EPB41L3: variants seen among roughly 807,000 people sequenced by gnomAD.
EPB41L3 encodes the protein erythrocyte membrane protein band 4.1 like 3.
EPB41L3 carries 57 observed loss-of-function variants against 127.1 expected under a neutral mutation model. The ratio of observed to expected loss-of-function variants is 0.45; its 90% CI spans 0.36 to 0.56. The LOEUF (loss-of-function observed/expected upper bound fraction) is 0.56. EPB41L3 is among the 20% of genes least tolerant of loss of function. The pLI is 0.00. For missense variants in EPB41L3, 1,273 were observed against 1,372.2 expected, an observed-to-expected ratio of 0.93 and a Z score of 1.14; for synonymous variants, 572 against 549.5, an observed-to-expected ratio of 1.04 and a Z score of -0.57.
Position 5,416,235 on chromosome 18 carries a change from C to A in EPB41L3, c.1650G>T (p.Leu550=). Reference sequence around the variant, plus strand: ...CAGAGTCCAAGGCGGGCTCTCCAGGCAGGTGCTCAGCTCTGGACGGCTCAT... The same window carrying A: ...CAGAGTCCAAGGCGGGCTCTCCAGGAAGGTGCTCAGCTCTGGACGGCTCAT... The part of the protein sequence containing the change: ...PGYEPSRAEH[L]PGEPALDSDG... Residue 550 remains leucine (L), a synonymous_variant, in exon 13 of 23, where the codon CTG becomes CTT. Coordinates refer to ENST00000341928, the MANE Select transcript of EPB41L3 (RefSeq NM_012307.5). The A allele has an allele frequency of 6.2e-7, 1 of 1,614,128 alleles. No individual in the cohort carries two copies. The highest frequency in any genetic ancestry group is 8.5e-7 in the Non-Finnish European group (1 of 1,180,028).
chr18:5,619,455 T>C (rs1394085685), intron 1 of EPB41L3, among the ~76,000 whole-genome samples: 2 of 152,184 alleles, frequency 1.3e-5, no homozygotes, highest in African/African-American at 4.8e-5. Flanking sequence ...CTTTTTCCCA[T>C]ATCAACTCAT....
chr18:5,488,710 C>T (rs1253971462), intron 2 of EPB41L3: 6 of 341,262 alleles, frequency 1.8e-5, no homozygotes, highest in African/African-American at 1.1e-4. Context: ...ATAATTAAAG[C>T]TCTCAGTTTG....
Position 5,540,578 on chromosome 18 carries a change from G to GTTCATC in EPB41L3, c.-12+3334_-12+3335insGATGAA, listed in dbSNP as rs1310519866. On this transcript the variant is annotated intron_variant, in intron 1 of 22. Coordinates refer to ENST00000341928, the MANE Select transcript of EPB41L3 (RefSeq NM_012307.5). ...TAACAGCAGAACCCTCCCGGGCTGA[G>GTTCATC]TGCCTGATGAATTCCCAACAAATCA... The GTTCATC allele has an allele frequency of 8.1e-6, 8 of 984,336 alleles. No individual in the cohort carries two copies. The African/African-American group carries it at 1.2e-4, about 15-fold the overall frequency. 61.0% of individuals were successfully genotyped at this position (984,336 alleles called of 1,614,324 possible). A position where few individuals can be genotyped will look rare whatever the true frequency, so the allele number is the denominator to read the frequency against.
chr18:5,471,480 GA>G (rs1210478645), intron 3 of EPB41L3, among the ~76,000 whole-genome samples: 1 of 152,210 alleles, frequency 6.6e-6, no homozygotes, highest in Non-Finnish European at 1.5e-5. Context: ...AGTATCACGT[GA>G]AATCTTAGTC....
intron 6 of EPB41L3, among the ~76,000 whole-genome samples, chr18:5,436,083 T>C (rs2079738226): frequency 6.6e-6 from 1 of 152,190 alleles, no homozygotes; most frequent in Non-Finnish European, 1.5e-5. Flanking sequence ...GTTATTTTGC[T>C]TTTGAGACTT....
At chr18:5,546,262 G>A (rs1886831336), upstream of EPB41L3, among the ~76,000 whole-genome samples, 1 of 152,156 alleles carries the variant, frequency 6.6e-6, no homozygotes, top group African/African-American at 2.4e-5. Flanking sequence ...GCCAGGCGCA[G>A]TGGCTCATGC....
chr18:5,514,484 T>G (rs1246767951), intron 1 of EPB41L3, among the ~76,000 whole-genome samples: 2 of 152,140 alleles, frequency 1.3e-5, no homozygotes, highest in Admixed American at 1.3e-4. Context: ...AATATTATAA[T>G]CCACCAGCAA....
intron 2 of EPB41L3, among the ~76,000 whole-genome samples, chr18:5,483,789 T>C (rs776022743): frequency 3.3e-5 from 5 of 151,844 alleles, no homozygotes; most frequent in Non-Finnish European, 7.4e-5. Context: ...CAAATATCTA[T>C]GCACCTAACA....
At chr18:5,495,123 G>C (rs2091026528) in intron 1 of EPB41L3, among the ~76,000 whole-genome samples, 1 of 152,200 alleles carries the variant, frequency 6.6e-6, no homozygotes. Flanking sequence ...ATAAAGGGTT[G>C]AGATGCAGGG....
intron 15 of EPB41L3, 51 bp downstream of exon 15, chr18:5,407,650 C>A (rs1196642028): frequency 6.3e-7 from 1 of 1,579,606 alleles, no homozygotes; most frequent in South Asian, 1.1e-5. Context: ...TGACTTATCA[C>A]ACACTGTTGT....
At chr18:5,568,854 C>T (rs1012222983) in intron 3 of EPB41L3, among the ~76,000 whole-genome samples, 3 of 152,148 alleles carry the variant, frequency 2.0e-5, no homozygotes, top group African/African-American at 7.2e-5. Context: ...TCACATGGCC[C>T]TAATATGTTC....
intron 12 of EPB41L3, among the ~76,000 whole-genome samples, chr18:5,418,153 A>G (rs777902330): frequency 3.9e-5 from 6 of 152,234 alleles, no homozygotes; most frequent in Non-Finnish European, 7.3e-5. Flanking sequence ...GCCCACACCT[A>G]TATGAGCACC....
At chr18:5,524,279 C>T (rs1371904519) in intron 1 of EPB41L3, among the ~76,000 whole-genome samples, 1 of 152,052 alleles carries the variant, frequency 6.6e-6, no homozygotes, top group Non-Finnish European at 1.5e-5. Flanking sequence ...CTGCAACCTC[C>T]GCCTCCCGGG....
chr18:5,511,254 C>T (rs1188770367), intron 1 of EPB41L3, among the ~76,000 whole-genome samples: 1 of 151,790 alleles, frequency 6.6e-6, no homozygotes, highest in Non-Finnish European at 1.5e-5. Context: ...GAGGAAAAAA[C>T]AAAGTACATG....
At chr18:5,578,537 C>T (rs1159713199) in intron 3 of EPB41L3, among the ~76,000 whole-genome samples, 1 of 151,976 alleles carries the variant, frequency 6.6e-6, no homozygotes, top group Non-Finnish European at 1.5e-5. Context: ...GAAATTTGCC[C>T]CACATCTCCT....
At chr18:5,550,970 T>A (rs1275359365) in intron 3 of EPB41L3, among the ~76,000 whole-genome samples, 2 of 152,190 alleles carry the variant, frequency 1.3e-5, no homozygotes, top group Non-Finnish European at 2.9e-5. Context: ...CTCAGATCCA[T>A]CAACTCTAAT....
At position 5,619,009 on chromosome 18, in the gene EPB41L3, C is replaced by T. The variant is rs141437399; in HGVS notation, c.-467-4586G>A. 1.8e-3 allele frequency among the ~76,000 whole-genome samples: 275 copies of T among 152,292 alleles called. 1 individual carries two copies. The highest frequency in any genetic ancestry group is 6.8e-3 in the Middle Eastern group (2 of 294). ...AATATTACCCTAGTTAACTCAGCCA[C>T]TAAAACTTTTTTGAAAATACAATTA... On this transcript the variant is annotated intron_variant, in intron 1 of 21. Coordinates refer to the EPB41L3 transcript ENST00000545076.
intron 1 of EPB41L3, among the ~76,000 whole-genome samples, chr18:5,615,973 G>T (rs1269736589): frequency 6.6e-6 from 1 of 152,038 alleles, no homozygotes; most frequent in Non-Finnish European, 1.5e-5. Flanking sequence ...CCTTCTGGGG[G>T]TCTTCCAGAA....
intron 3 of EPB41L3, among the ~76,000 whole-genome samples, chr18:5,463,344 C>T (rs2084368939): frequency 6.6e-6 from 1 of 152,202 alleles, no homozygotes; most frequent in Non-Finnish European, 1.5e-5. Context: ...AGCTTTCCTT[C>T]CTCCCTGGTG....
Sources: gnomAD v4.1 joint callset for allele counts (sites outside exome capture counted in the v4.1 genomes callset) on GRCh38, gnomAD v4.1.1 for gene constraint, MANE v1.5 for transcripts, NCBI Gene and HGNC (gene_info 2026-07-23, HGNC 2026-07-21) for gene names.